Variants in CLCA2 observed in about 807,000 individuals in gnomAD.
CLCA2 encodes the protein chloride channel accessory 2.
Under a neutral mutation model 82.9 loss-of-function variants are expected in CLCA2, and 85 were observed. That is an observed-to-expected ratio of 1.03 (90% CI 0.86 to 1.23). The LOEUF is 1.23. CLCA2 is among the 50% of genes most tolerant of loss of function. The probability of loss-of-function intolerance (pLI) is 0.00; values close to 1 mark genes in which losing one functional copy is unlikely to be tolerated. For synonymous variants in CLCA2, 421 were observed against 391.7 expected, an observed-to-expected ratio of 1.07 and a Z score of -0.88; for missense variants, 1,089 against 1,124.8, an observed-to-expected ratio of 0.97 and a Z score of 0.45.
Position 86,443,999 on chromosome 1 carries a change from AG to A in CLCA2, c.1703del (p.Gly568GlufsTer12). 1 of 1,607,404 alleles carries A rather than the reference AG, an allele frequency of 6.2e-7. No individual in the cohort carries two copies. The highest frequency in any genetic ancestry group is 8.5e-7 in the Non-Finnish European group (1 of 1,173,982). ...TTCGGACAGCTAGTCTTTGGATTCC[AG>A]GAACAGCTAAGGTAGGTGTTGTGAG... Reference protein sequence around the residue: ...TFRTASLWIPGTAKPGHWTYT... With the variant: ...TFRTASLWIPXTAKPGHWTYT... On this transcript the variant is annotated frameshift_variant, in exon 10 of 14. Coordinates refer to ENST00000370565, the MANE Select transcript of CLCA2 (RefSeq NM_006536.7). LOFTEE classifies it high-confidence loss of function.
intron 7 of CLCA2, 96 bp from the exon 8 acceptor site, chr1:86,440,052 G>C (rs1423663869): frequency 8.2e-7 from 1 of 1,220,628 alleles, no homozygotes; most frequent in Non-Finnish European, 1.2e-6. Context: ...TGGGGTGTAG[G>C]AGCTACAGTG....
chr1:86,430,864 C>T lies in CLCA2; in HGVS notation c.478C>T (p.Arg160Ter), dbSNP rs776935862. 33 of 1,612,024 alleles carry T rather than the reference C, an allele frequency of 2.0e-5. 1 individual carries two copies. In the South Asian group the frequency reaches 3.2e-4, roughly 16 times the overall value. The stretch of plus-strand genomic sequence containing the variant: ...AGCAAAAGTTCTTTCTTCCGCAGGC[C>T]GAGTGTTTGTCCATGAATGGGCCCA... ...NLTAGYGSRGRVFVHEWAHLR... is the reference protein window; with the variant it reads ...NLTAGYGSRG The change falls in exon 4 of 14, where the codon CGA (arginine) becomes TGA (stop). Residue 160 changes from arginine to a stop codon, truncating the protein, a stop_gained and splice_region_variant. Transcript: ENST00000370565. LOFTEE classifies it high-confidence loss of function.
chr1:86,432,190 C>T (rs1166523882), intron 4 of CLCA2, among the ~76,000 whole-genome samples, 179 bp from the exon 5 acceptor site: 4 of 152,196 alleles, frequency 2.6e-5, no homozygotes, highest in Non-Finnish European at 4.4e-5. Context: ...CCAGCCTCAG[C>T]CTCCCAAAGT....
At chr1:86,427,547 T>TACACACACACAC (rs146595899) in intron 2 of CLCA2, among the ~76,000 whole-genome samples, 1 of 148,216 alleles carries the variant, frequency 6.7e-6, no homozygotes, top group African/African-American at 2.5e-5. Context: ...CACACATACA[T>TACACACACACAC]ACACACACAC....
rs1291274128 is a variant in CLCA2, at chr1:86,443,946, A to G, written c.1648A>G (p.Thr550Ala). ...TGATCCTGATGGACGAAAATACTACACAAATAATTTTATCACCAATCTAAC... is the reference window on the plus strand; with the variant it reads ...TGATCCTGATGGACGAAAATACTACGCAAATAATTTTATCACCAATCTAAC... ...LFDPDGRKYY[T>A]NNFITNLTFR... Residue 550 changes from threonine to alanine, a missense_variant, in exon 10 of 14, where the codon ACA becomes GCA. Coordinates refer to ENST00000370565, the MANE Select transcript of CLCA2 (RefSeq NM_006536.7). 3 of 1,613,594 alleles carry G rather than the reference A, an allele frequency of 1.9e-6. No homozygotes were observed. The highest frequency in any genetic ancestry group is 2.2e-5 in the South Asian group (2 of 91,074).
chr1:86,450,845 T>C (rs1426979489), intron 12 of CLCA2, 112 bp downstream of exon 12: 1 of 930,466 alleles, frequency 1.1e-6, no homozygotes. Flanking sequence ...ATTTCAAAAC[T>C]CTTTACGCTT....
intron 8 of CLCA2, among the ~76,000 whole-genome samples, chr1:86,440,901 A>G (rs1662717284): frequency 6.6e-6 from 1 of 152,168 alleles, no homozygotes; most frequent in South Asian, 2.1e-4. Context: ...ACCCCATCTC[A>G]AAAAAGAAAA....
rs903264753 is a variant in CLCA2 at position 86,450,657 on chromosome 1, C to G, written c.2079C>G (p.His693Gln). 3 of 1,613,628 alleles carry G rather than the reference C, an allele frequency of 1.9e-6. No homozygotes were observed. The highest frequency in any genetic ancestry group is 2.5e-6 in the Non-Finnish European group (3 of 1,179,790). The change falls in exon 12 of 14, where the codon CAC (histidine) becomes CAG (glutamine). Residue 693 changes from histidine to glutamine, a missense_variant. His to Gln is a conservative substitution (Grantham distance 24). Transcript: ENST00000370565. Reference protein sequence around the residue: ...GRYSLKVHVNHSPSISTPAHS... With the variant: ...GRYSLKVHVNQSPSISTPAHS... ...ATAGCTTGAAAGTGCATGTCAATCACTCTCCCAGCATAAGCACCCCAGCCC... is the reference window on the plus strand; with the variant it reads ...ATAGCTTGAAAGTGCATGTCAATCAGTCTCCCAGCATAAGCACCCCAGCCC...
chr1:86,451,769 C>T (rs1212302326), intron 12 of CLCA2, among the ~76,000 whole-genome samples: 3 of 152,124 alleles, frequency 2.0e-5, no homozygotes, highest in Non-Finnish European at 1.5e-5. Context: ...TTCTGTGTGT[C>T]TCAGTTTCAT....
In CLCA2 at chr1:86,440,211, G is replaced by C. The variant is rs766314705; in HGVS notation, c.1267G>C (p.Asp423His). 2 of 1,614,164 alleles carry C rather than the reference G, an allele frequency of 1.2e-6. No homozygotes were observed. The highest frequency in any genetic ancestry group is 1.7e-6 in the Non-Finnish European group (2 of 1,180,010). Reference sequence around the variant, plus strand: ...GATGATATTAGTGACCAGCGGAGATGATAAGCTTCTTGGCAATTGCTTACC... The same window carrying C: ...GATGATATTAGTGACCAGCGGAGATCATAAGCTTCTTGGCAATTGCTTACC... Reference protein sequence around the residue: ...SVMILVTSGDDKLLGNCLPTV... With the variant: ...SVMILVTSGDHKLLGNCLPTV... The change falls in exon 8 of 14, where the codon GAT becomes CAT. Residue 423 changes from aspartate to histidine, a missense_variant. Physicochemically the swap from Asp to His is moderately conservative, Grantham distance 81. Transcript: ENST00000370565.
chr1:86,430,897 T>C lies in CLCA2; in HGVS notation c.511T>C (p.Trp171Arg), dbSNP rs753722945. Residue 171 changes from tryptophan to arginine, a missense_variant, in exon 4 of 14, where the codon TGG becomes CGG. Transcript: ENST00000370565. ...TGTCCATGAATGGGCCCACCTCCGT[T>C]GGGGTGTGTTCGATGAGTATAACAA... is the stretch of plus-strand genomic sequence containing the variant. ...VFVHEWAHLR[W>R]GVFDEYNNDK... 3.1e-6 allele frequency: 5 copies of C among 1,613,700 alleles called. No individual in the cohort carries two copies. The highest frequency in any genetic ancestry group is 1.7e-6 in the Non-Finnish European group (2 of 1,179,842).
At chr1:86,450,030 A>G (rs1034215013) in intron 11 of CLCA2, among the ~76,000 whole-genome samples, 1 of 152,170 alleles carries the variant, frequency 6.6e-6, no homozygotes, top group Non-Finnish European at 1.5e-5. Flanking sequence ...AGTTCCAGAT[A>G]CCCTCTAATG....
chr1:86,452,200 T>C (rs895281760), intron 12 of CLCA2, among the ~76,000 whole-genome samples: 1 of 129,008 alleles, frequency 7.8e-6, no homozygotes, highest in African/African-American at 3.0e-5. Context: ...TTTTTTTTTT[T>C]CATTTTAAAC....
chr1:86,455,087 A>G lies in CLCA2; in HGVS notation c.2392A>G (p.Thr798Ala), dbSNP rs756650394. 4.7e-6 allele frequency: 7 copies of G among 1,492,934 alleles called. No homozygotes were observed. In the South Asian group the frequency reaches 8.2e-5, roughly 17 times the overall value. The allele number at this position is 1,492,934 out of a possible 1,614,324, so 92.5% of individuals were successfully genotyped here. The change falls in exon 14 of 14, where the codon ACA (threonine) becomes GCA (alanine). Residue 798 changes from threonine (T) to alanine (A), a missense_variant and splice_region_variant. Coordinates refer to ENST00000370565, the MANE Select transcript of CLCA2 (RefSeq NM_006536.7). ...PGEDFDQGQA[T>A]SYEIRMSKSL... ...CTATTTATATTTTTTAATTTCAGCT[A>G]CAAGCTATGAAATAAGAATGAGTAA...
chr1:86,445,982 G>A (rs971908007), intron 10 of CLCA2, among the ~76,000 whole-genome samples: 3 of 151,916 alleles, frequency 2.0e-5, no homozygotes, highest in African/African-American at 7.3e-5. Flanking sequence ...AAGGTATTTT[G>A]TAAAACAAAG....
chr1:86,439,383 C>T (rs1662678593), intron 7 of CLCA2, among the ~76,000 whole-genome samples: 1 of 152,168 alleles, frequency 6.6e-6, no homozygotes, highest in South Asian at 2.1e-4. Context: ...GACTAGAGGA[C>T]CTAAACAACA....
chr1:86,448,088 A>G (rs1194868245), intron 11 of CLCA2: 3 of 336,240 alleles, frequency 8.9e-6, no homozygotes, highest in Non-Finnish European at 1.1e-5. Context: ...TGTCCTTATG[A>G]CATACTTATA....
intron 12 of CLCA2, among the ~76,000 whole-genome samples, chr1:86,451,084 G>A (rs969786): frequency 0.42 from 63,925 of 151,918 alleles, 13,804 homozygotes; most frequent in South Asian, 0.48. Flanking sequence ...AAGAGAAAGA[G>A]GCAAAAAGTT....
rs1663016024 is a variant in CLCA2, at chr1:86,453,535, T to C, written c.2322T>C (p.Ala774=). ...FPPCKIIDLE[A]VKVEEELTLS... is the part of the protein sequence containing the mutation. The stretch of plus-strand genomic sequence containing the variant: ...CATGCAAAATTATTGACCTGGAAGC[T>C]GTAAAAGTAGAAGAGGAATTGACCC... The change falls in exon 13 of 14, where the codon GCT becomes GCC. Residue 774 remains alanine (A), a synonymous_variant. Coordinates refer to ENST00000370565, the MANE Select transcript of CLCA2 (RefSeq NM_006536.7). 6.2e-7 allele frequency: 1 copy of C among 1,614,170 alleles called. No homozygotes were observed. The highest frequency in any genetic ancestry group is 1.3e-5 in the African/African-American group (1 of 75,050).
Sources: gnomAD v4.1 joint callset for allele counts (sites outside exome capture counted in the v4.1 genomes callset) on GRCh38, gnomAD v4.1.1 for gene constraint, MANE v1.5 for transcripts, NCBI Gene and HGNC (gene_info 2026-07-23, HGNC 2026-07-21) for gene names.